The following CSMD1 variants were observed in gnomAD, a reference collection of about 807,000 sequenced individuals.
CSMD1 encodes the protein CUB and Sushi multiple domains 1.
Under a neutral mutation model 417.5 loss-of-function variants are expected in CSMD1, and 213 were observed. The observed-to-expected ratio is 0.51, with a 90% CI of 0.46 to 0.57. CSMD1 has a LOEUF of 0.57. CSMD1 is among the 20% of genes least tolerant of loss of function. CSMD1 has a pLI of 0.00. For synonymous variants in CSMD1, 2,862 were observed against 1,736.8 expected, an observed-to-expected ratio of 1.65 and a Z score of -16.11; for missense variants, 6,923 against 4,529.7, an observed-to-expected ratio of 1.53 and a Z score of -15.17.
At chr8:3,731,981 A>G (rs1458927921) in intron 6 of CSMD1, among the ~76,000 whole-genome samples, 2 of 152,168 alleles carry the variant, frequency 1.3e-5, no homozygotes, top group African/African-American at 4.8e-5. Flanking sequence ...CTCAGCAGAT[A>G]TTTAAAGAAC....
chr8:3,604,309 C>T (rs533401245), intron 8 of CSMD1, among the ~76,000 whole-genome samples: 17 of 152,068 alleles, frequency 1.1e-4, no homozygotes, highest in African/African-American at 3.4e-4. Context: ...CGGGGGGGGA[C>T]CAAAGGTCCA....
chr8:3,699,683 C>T (rs1367443099), intron 7 of CSMD1, among the ~76,000 whole-genome samples: 1 of 152,190 alleles, frequency 6.6e-6, no homozygotes, highest in East Asian at 1.9e-4. Flanking sequence ...ATCTGAAACA[C>T]TATAAGACTA....
intron 12 of CSMD1, among the ~76,000 whole-genome samples, chr8:3,459,288 G>A (rs1038574483): frequency 3.3e-5 from 5 of 152,322 alleles, no homozygotes; most frequent in African/African-American, 1.2e-4. Flanking sequence ...GAGGCGAGGA[G>A]AGACAGGCCG....
chr8:4,245,826 A>G (rs1802673063), intron 3 of CSMD1, among the ~76,000 whole-genome samples: 1 of 152,202 alleles, frequency 6.6e-6, no homozygotes, highest in Non-Finnish European at 1.5e-5. Flanking sequence ...ACAAGTGTGC[A>G]CAATCACATC....
chr8:4,236,627 G>C (rs982351932), intron 3 of CSMD1, among the ~76,000 whole-genome samples: 7 of 152,152 alleles, frequency 4.6e-5, no homozygotes, highest in African/African-American at 7.2e-5. Flanking sequence ...CCTCTTAAAA[G>C]AATTCAGCCA....
At chr8:4,328,695 A>G (rs1397336016) in intron 3 of CSMD1, among the ~76,000 whole-genome samples, 1 of 152,218 alleles carries the variant, frequency 6.6e-6, no homozygotes, top group South Asian at 2.1e-4. Context: ...CCTACTAGGA[A>G]GTGCTTTATT....
chr8:4,265,260 G>C (rs1198688106), intron 3 of CSMD1, among the ~76,000 whole-genome samples: 1 of 151,766 alleles, frequency 6.6e-6, no homozygotes, highest in African/African-American at 2.4e-5. Flanking sequence ...ATATTTTATG[G>C]AATAGCAAAC....
At chr8:4,419,854 T>G in intron 3 of CSMD1, 99 bp downstream of exon 3, 1 of 829,778 alleles carries the variant, frequency 1.2e-6, no homozygotes, top group South Asian at 1.5e-5. Context: ...CGGAACGACC[T>G]GCGACATAGC....
chr8:4,239,529 G>C (rs1206682418), intron 3 of CSMD1, among the ~76,000 whole-genome samples: 2 of 152,154 alleles, frequency 1.3e-5, no homozygotes, highest in Admixed American at 6.6e-5. Flanking sequence ...GGTTTTGGTG[G>C]TTCCAAAGCA....
intron 1 of CSMD1, among the ~76,000 whole-genome samples, chr8:4,926,906 T>C (rs946830206): frequency 6.6e-6 from 1 of 152,120 alleles, no homozygotes; most frequent in Non-Finnish European, 1.5e-5. Context: ...AAGGTAACTT[T>C]GTTTTAGTTA....
intron 3 of CSMD1, among the ~76,000 whole-genome samples, chr8:4,208,010 A>C (rs766241354): frequency 2.0e-5 from 3 of 152,184 alleles, no homozygotes; most frequent in Non-Finnish European, 2.9e-5. Context: ...TTTAAAACCT[A>C]AAAGTCCAAC....
intron 1 of CSMD1, among the ~76,000 whole-genome samples, chr8:4,645,558 T>G (rs1206913869): frequency 6.6e-6 from 1 of 151,066 alleles, no homozygotes; most frequent in Admixed American, 6.6e-5. Context: ...TATTGCCTCA[T>G]GGATATGAGC....
intron 3 of CSMD1, among the ~76,000 whole-genome samples, chr8:4,260,610 T>G (rs2128840688): frequency 6.6e-6 from 1 of 152,282 alleles, no homozygotes; most frequent in East Asian, 1.9e-4. Context: ...ATATTTGTGG[T>G]TTTTAGAATT....
chr8:3,841,040 G>A (rs1195855372), intron 5 of CSMD1, among the ~76,000 whole-genome samples: 1 of 151,812 alleles, frequency 6.6e-6, no homozygotes, highest in African/African-American at 2.4e-5. Flanking sequence ...TGAGTCTTAG[G>A]GCAAAATTCC....
chr8:4,247,164 T>A lies in CSMD1; in HGVS notation c.415+172789A>T, dbSNP rs1367791316. Among the ~76,000 whole-genome samples the A allele has an allele frequency of 4.6e-5, 7 of 152,308 alleles. No individual in the cohort carries two copies. The East Asian group carries it at 1.2e-3, about 25-fold the overall frequency. The stretch of plus-strand genomic sequence containing the variant: ...TCAATATTGCTTTCTTTTCCGCATC[T>A]TTTTTATGCTCTATAACACAGTTTG... On this transcript the variant is annotated intron_variant, in intron 3 of 69. Coordinates refer to ENST00000635120, the MANE Select transcript of CSMD1 (RefSeq NM_033225.6).
intron 6 of CSMD1, among the ~76,000 whole-genome samples, chr8:3,751,451 G>A (rs992833565): frequency 6.8e-6 from 1 of 147,358 alleles, no homozygotes; most frequent in Non-Finnish European, 1.5e-5. Context: ...ACATATAAAT[G>A]TTTATACTTA....
intron 5 of CSMD1, among the ~76,000 whole-genome samples, chr8:3,894,282 G>C (rs1162303648): frequency 3.9e-5 from 6 of 151,924 alleles, no homozygotes; most frequent in Non-Finnish European, 7.4e-5. Flanking sequence ...TCTACTTCCT[G>C]TGCACCTGTC....
intron 6 of CSMD1, among the ~76,000 whole-genome samples, chr8:3,753,113 C>T (rs1797445896): frequency 6.6e-6 from 1 of 152,132 alleles, no homozygotes; most frequent in African/African-American, 2.4e-5. Flanking sequence ...TCCTCTCTGG[C>T]ACATGGCAGG....
At chr8:3,389,465 A>G (rs1811215175) in intron 17 of CSMD1, among the ~76,000 whole-genome samples, 1 of 152,174 alleles carries the variant, frequency 6.6e-6, no homozygotes, top group Non-Finnish European at 1.5e-5. Flanking sequence ...CAAAAGAAGA[A>G]GCTCTGCTGA....
Sources: gnomAD v4.1 joint callset for allele counts (sites outside exome capture counted in the v4.1 genomes callset) on GRCh38, gnomAD v4.1.1 for gene constraint, MANE v1.5 for transcripts, NCBI Gene and HGNC (gene_info 2026-07-23, HGNC 2026-07-21) for gene names.